PRKAR1B: variants seen among roughly 807,000 people sequenced by gnomAD.
The protein encoded by PRKAR1B is protein kinase cAMP-dependent type I regulatory subunit beta, also known as cAMP-dependent protein kinase type I-beta regulatory subunit.
In PRKAR1B, 22 loss-of-function variants were observed where a neutral mutation model predicts 46.5. That is an observed-to-expected ratio of 0.47 (90% CI 0.34 to 0.68). The LOEUF (loss-of-function observed/expected upper bound fraction) is 0.68, where lower values mean the gene tolerates loss of function less well. Among genes scored for constraint, PRKAR1B ranks in the 30% least tolerant of loss-of-function variants. The pLI is 0.01. For missense variants in PRKAR1B, 445 were observed against 535.6 expected, an observed-to-expected ratio of 0.83 and a Z score of 1.67; for synonymous variants, 259 against 217.7, an observed-to-expected ratio of 1.19 and a Z score of -1.67.
At chr7:690,342 G>A (rs1057018650) in intron 2 of PRKAR1B, among the ~76,000 whole-genome samples, 16 of 151,420 alleles carry the variant, frequency 1.1e-4, no homozygotes, top group African/African-American at 2.7e-4. Context: ...GCTGAAAAGC[G>A]ACGGCTGGGT....
At chr7:582,845 G>T (rs1338684781) in intron 8 of PRKAR1B, among the ~76,000 whole-genome samples, 2 of 152,256 alleles carry the variant, frequency 1.3e-5, no homozygotes, top group African/African-American at 4.8e-5. Flanking sequence ...GAGGCCCTGC[G>T]TTTGGGATTT....
intron 4 of PRKAR1B, among the ~76,000 whole-genome samples, chr7:647,824 A>AT (rs1583353063): frequency 6.6e-6 from 1 of 151,138 alleles, no homozygotes; most frequent in South Asian, 2.1e-4. Context: ...AAAAAAAAAA[A>AT]AAAAAAACCT....
rs73256204 is a variant in PRKAR1B at position 667,878 on chromosome 7, C to T, written c.440+9351G>A. Among the ~76,000 whole-genome samples the T allele has an allele frequency of 0.019, 2,901 of 152,356 alleles. 90 individuals are homozygous for T. Among genetic ancestry groups the T allele is most frequent in the African/African-American group, 0.066 (2,752 of 41,578 alleles). ...TAGCAATACCACCATCCTAGAAGGA[C>T]AGGCAGGCGGTCTGGGGGAGTTGCA... On this transcript the variant is annotated intron_variant, in intron 4 of 10. Transcript: ENST00000537384. This position sits in a 1 kb window ranked among gnomAD's most constrained non-coding sequence, Gnocchi z 4.3.
rs866388676 is a variant in PRKAR1B, at chr7:551,415, C to A, written c.947G>T (p.Gly316Val). 6.4e-7 allele frequency: 1 copy of A among 1,559,968 alleles called. No individual in the cohort carries two copies. The highest frequency in any genetic ancestry group is 2.3e-5 in the East Asian group (1 of 42,670). ...GAAGTAGTCAGAGGGTCCCAGGCGC[C>A]CCACCTCCACGTACTCCTCATTGGG... is the stretch of plus-strand genomic sequence containing the variant. ...RSPNEEYVEV[G>V]RLGPSDYFGE... is the part of the protein sequence containing the mutation. Residue 316 changes from glycine (G) to valine (V), a missense_variant, in exon 10 of 11, where the codon GGG becomes GTG. Coordinates refer to ENST00000537384, the MANE Select transcript of PRKAR1B (RefSeq NM_001164760.2).
chr7:601,263 C>T (rs1279090316), intron 6 of PRKAR1B, among the ~76,000 whole-genome samples: 2 of 152,220 alleles, frequency 1.3e-5, no homozygotes, highest in African/African-American at 4.8e-5. Flanking sequence ...TAGCCGTAGT[C>T]CTGCAGCCCC....
intron 6 of PRKAR1B, chr7:603,293 C>A (rs1005531846): frequency 2.4e-4 from 37 of 152,344 alleles, no homozygotes; most frequent in African/African-American, 8.9e-4. Flanking sequence ...CGGTCATCTG[C>A]GGAGGTCAGT....
intron 4 of PRKAR1B, among the ~76,000 whole-genome samples, chr7:631,748 T>A (rs1783755604): frequency 1.3e-5 from 2 of 151,500 alleles, no homozygotes; most frequent in Admixed American, 6.6e-5. Context: ...GCCCAGGAGT[T>A]CCAGACCAGC....
At chr7:630,174 C>A (rs1307274432) in intron 4 of PRKAR1B, among the ~76,000 whole-genome samples, 2 of 152,254 alleles carry the variant, frequency 1.3e-5, no homozygotes, top group Non-Finnish European at 2.9e-5. Context: ...CACACCCCCA[C>A]CTCCCCCTTC....
intron 5 of PRKAR1B, among the ~76,000 whole-genome samples, chr7:606,677 A>G (rs1474577759): frequency 6.6e-6 from 1 of 151,730 alleles, no homozygotes; most frequent in African/African-American, 2.4e-5. Flanking sequence ...CAAACTCCTG[A>G]CCTCAGGTGA....
intron 2 of PRKAR1B, among the ~76,000 whole-genome samples, chr7:689,823 G>C (rs929238359): frequency 6.6e-6 from 1 of 151,986 alleles, no homozygotes; most frequent in African/African-American, 2.4e-5. Flanking sequence ...GGGACTACAG[G>C]CACCCACCAC....
At chr7:707,157 C>T (rs1000909249) in intron 2 of PRKAR1B, among the ~76,000 whole-genome samples, 2 of 152,228 alleles carry the variant, frequency 1.3e-5, no homozygotes, top group South Asian at 2.1e-4. Context: ...GAGAATCCAT[C>T]GCAAGCTAAG....
chr7:670,014 T>C (rs1339015983), intron 4 of PRKAR1B, among the ~76,000 whole-genome samples: 1 of 151,402 alleles, frequency 6.6e-6, no homozygotes, highest in Non-Finnish European at 1.5e-5. Flanking sequence ...TACAGGCTCC[T>C]GCCACCACGC....
intron 8 of PRKAR1B, among the ~76,000 whole-genome samples, chr7:583,528 C>CCCATACACGTGTGCACAT (rs1562537452): frequency 1.6e-5 from 2 of 123,516 alleles, no homozygotes; most frequent in African/African-American, 6.0e-5. Context: ...CGCGTGCACA[C>CCCATACACGTGTGCACAT]ACCCACTCAC....
At chr7:661,407 A>C (rs868300610) in intron 4 of PRKAR1B, among the ~76,000 whole-genome samples, 677 of 5,852 alleles carry the variant, frequency 0.12, no homozygotes, top group Middle Eastern at 0.17. Context: ...CTCTCCCCCC[A>C]CCATGGCACA....
At chr7:571,274 G>A (rs1367397926) in intron 9 of PRKAR1B, among the ~76,000 whole-genome samples, 6 of 152,218 alleles carry the variant, frequency 3.9e-5, no homozygotes, top group East Asian at 1.9e-4. Context: ...GGAGCCTCGC[G>A]GTACAGGCTG....
In PRKAR1B at chr7:574,498, A is replaced by G. The variant is rs142728770; in HGVS notation, c.891+4758T>C. Among the ~76,000 whole-genome samples, 95 of 151,838 alleles carry G rather than the reference A, an allele frequency of 6.3e-4. 3 individuals carry two copies. In the East Asian group the frequency reaches 0.016, roughly 25 times the overall value. ...CTTGCTCTGTGGCCCAGGCTGGAGT[A>G]CAATGGCGTGATCTCAGCTCACTGC... On this transcript the variant is annotated intron_variant, in intron 9 of 10. Transcript: ENST00000537384.
intron 4 of PRKAR1B, among the ~76,000 whole-genome samples, chr7:639,416 C>T (rs1784278586): frequency 6.6e-6 from 1 of 152,226 alleles, no homozygotes; most frequent in Admixed American, 6.5e-5. Flanking sequence ...ACTCACTCCT[C>T]ACACAGAAAG....
At chr7:556,031 T>C (rs1778407115) in intron 9 of PRKAR1B, among the ~76,000 whole-genome samples, 1 of 152,122 alleles carries the variant, frequency 6.6e-6, no homozygotes, top group Non-Finnish European at 1.5e-5. Flanking sequence ...TCCGGGCCCC[T>C]GTCTCCCTCT....
chr7:668,848 T>G (rs1786071741), intron 4 of PRKAR1B, among the ~76,000 whole-genome samples: 1 of 152,094 alleles, frequency 6.6e-6, no homozygotes, highest in Non-Finnish European at 1.5e-5. Context: ...GGAGTTTAGC[T>G]GAAACGCAGT....
Sources: allele counts gnomAD v4.1 joint callset (sites outside exome capture counted in the v4.1 genomes callset), GRCh38; gene constraint gnomAD v4.1.1; non-coding constraint Gnocchi (gnomAD v3.1); transcripts MANE v1.5; gene names NCBI Gene and HGNC (gene_info 2026-07-23, HGNC 2026-07-21).